Variants in USP6NL observed in about 807,000 individuals in gnomAD.
USP6NL encodes the protein USP6 N-terminal like, also known as USP6 N-terminal-like protein.
In USP6NL, 26 loss-of-function variants were observed where a neutral mutation model predicts 61.9. That is an observed-to-expected ratio of 0.42 (90% confidence interval 0.31 to 0.58). The LOEUF (loss-of-function observed/expected upper bound fraction) is 0.58. USP6NL is among the 20% of genes least tolerant of loss of function. The pLI is 0.16. For missense variants in USP6NL, 1,114 were observed against 1,034.3 expected (o/e 1.08, Z -1.06); for synonymous variants, 432 against 390.1 (o/e 1.11, Z -1.27).
At position 11,562,611 on chromosome 10, in the gene USP6NL, T is replaced by C. The variant is rs1461899273; in HGVS notation, c.4+35020A>G. ...AGGTTTTAAATTACTTGCAACTAAA[T>C]GTAATTCTAACACTGAACAGTCCTC... On this transcript the variant is annotated intron_variant, in intron 2 of 14. Coordinates refer to ENST00000609104, the MANE Select transcript of USP6NL (RefSeq NM_014688.5). This position sits in a 1 kb window ranked among gnomAD's most constrained non-coding sequence, Gnocchi z 4.8. The C allele has an allele frequency of 2.0e-6, 2 of 985,306 alleles. No individual in the cohort carries two copies. The highest frequency in any genetic ancestry group is 1.1e-4 in the East Asian group (1 of 8,836). The allele number at this position is 985,306 out of a possible 1,614,324, so 61.0% of individuals were successfully genotyped here.
chr10:11,543,737 G>A (rs1341501137), intron 2 of USP6NL, among the ~76,000 whole-genome samples: 1 of 150,606 alleles, frequency 6.6e-6, no homozygotes, highest in Non-Finnish European at 1.5e-5. Context: ...ATGAGAAAAA[G>A]GGAAAGGGGC....
intron 6 of USP6NL, among the ~76,000 whole-genome samples, chr10:11,505,246 A>T (rs1350933372): frequency 6.6e-6 from 1 of 152,232 alleles, no homozygotes; most frequent in East Asian, 1.9e-4. Context: ...GATGTGGATA[A>T]TGATGAGTCC....
In USP6NL at chr10:11,553,669, T is replaced by C. The variant is rs117316726; in HGVS notation, c.5-26102A>G. On this transcript the variant is annotated intron_variant, in intron 2 of 14. Coordinates refer to ENST00000609104, the MANE Select transcript of USP6NL (RefSeq NM_014688.5). This position sits in a 1 kb window ranked among gnomAD's most constrained non-coding sequence, Gnocchi z 4.8. Reference sequence around the variant, plus strand: ...CGGTACGTTGGAAGGCTGAGGTGGGTGGATTATCTGAGGTCAGGAGTTAAG... The same window carrying C: ...CGGTACGTTGGAAGGCTGAGGTGGGCGGATTATCTGAGGTCAGGAGTTAAG... 1.1e-3 allele frequency among the ~76,000 whole-genome samples: 170 copies of C among 152,120 alleles called. 7 individuals carry two copies. The East Asian group carries it at 0.026, about 23-fold the overall frequency.
In USP6NL at chr10:11,611,084, G is replaced by C. The variant is rs1351174656; in HGVS notation, c.-84+359C>G. Among the ~76,000 whole-genome samples the C allele has an allele frequency of 1.3e-5, 2 of 152,112 alleles. No homozygotes were observed. The highest frequency in any genetic ancestry group is 2.1e-4 in the South Asian group (1 of 4,824). ...GCCCGGGTCCTGCCCACTGGGGCTC[G>C]GGAGACGCGACCGAAACTTGCGAGG... On this transcript the variant is annotated intron_variant, in intron 1 of 14. Transcript: ENST00000609104. The surrounding 1 kb of genome is among the most constrained non-coding windows in gnomAD (Gnocchi z 5.3).
chr10:11,489,342 T>C lies in USP6NL; in HGVS notation c.544-120A>G. 2 of 1,310,354 alleles carry C rather than the reference T, an allele frequency of 1.5e-6. No homozygotes were observed. Among genetic ancestry groups the C allele is most frequent in the Non-Finnish European group, 2.1e-6 (2 of 965,118 alleles). 81.2% of individuals were successfully genotyped at this position (1,310,354 alleles called of 1,614,324 possible). A position where few individuals can be genotyped will look rare whatever the true frequency, so the allele number is the denominator to read the frequency against. ...CCTACACACATCATTTAATGGTCCA[T>C]TCTAGAGACAAATACTATACTCTTT... On this transcript the variant is annotated intron_variant, in intron 9 of 14. Transcript: ENST00000609104. The surrounding 1 kb of genome is among the most constrained non-coding windows in gnomAD (Gnocchi z 5.7).
intron 7 of USP6NL, among the ~76,000 whole-genome samples, chr10:11,494,033 C>T (rs759536523): frequency 3.9e-5 from 6 of 152,232 alleles, no homozygotes; most frequent in Non-Finnish European, 7.3e-5. Flanking sequence ...TCTGCAGGAA[C>T]ACACCCTTTA....
chr10:11,571,977 T>A (rs1837383002), intron 2 of USP6NL, among the ~76,000 whole-genome samples: 1 of 151,016 alleles, frequency 6.6e-6, no homozygotes, highest in South Asian at 2.1e-4. Context: ...GATATAAATA[T>A]CTTATTTAAT....
chr10:11,603,778 T>C (rs1470998820), intron 1 of USP6NL, among the ~76,000 whole-genome samples: 1 of 152,090 alleles, frequency 6.6e-6, no homozygotes, highest in Non-Finnish European at 1.5e-5. Flanking sequence ...ATATTCAGAA[T>C]AAAAGTGCTA....
chr10:11,557,519 A>C (rs1007581760), intron 2 of USP6NL, among the ~76,000 whole-genome samples: 6 of 152,234 alleles, frequency 3.9e-5, no homozygotes, highest in African/African-American at 1.4e-4. Context: ...TTAAATGCAA[A>C]TTTTAAATTG....
At chr10:11,530,321 A>G in intron 2 of USP6NL, among the ~76,000 whole-genome samples, 1 of 152,172 alleles carries the variant, frequency 6.6e-6, no homozygotes, top group South Asian at 2.1e-4. Flanking sequence ...ATAACAATGG[A>G]AAGTTTAAAA....
rs1001966956 is a variant in USP6NL at position 11,476,691 on chromosome 10, A to T, written c.1078+5079T>A. Among the ~76,000 whole-genome samples, 2 of 152,158 alleles carry T rather than the reference A, an allele frequency of 1.3e-5. No homozygotes were observed. Among genetic ancestry groups the T allele is most frequent in the African/African-American group, 2.4e-5 (1 of 41,428 alleles). On this transcript the variant is annotated intron_variant, in intron 14 of 14. Coordinates refer to ENST00000609104, the MANE Select transcript of USP6NL (RefSeq NM_014688.5). This position sits in a 1 kb window ranked among gnomAD's most constrained non-coding sequence, Gnocchi z 4.3. ...CCCCACAAAACTCCTCTTCACACAA[A>T]TCTAGTCAATGAAAACCAAAAATTT... is the stretch of plus-strand genomic sequence containing the variant.
intron 14 of USP6NL, among the ~76,000 whole-genome samples, chr10:11,473,265 G>A (rs147643407): frequency 1.7e-3 from 260 of 152,226 alleles, no homozygotes; most frequent in Non-Finnish European, 2.2e-3. Context: ...CCACAGCCCC[G>A]CAGTGTATTA....
intron 13 of USP6NL, among the ~76,000 whole-genome samples, chr10:11,483,495 G>A (rs1233644603): frequency 8.8e-6 from 1 of 113,692 alleles, no homozygotes; most frequent in African/African-American, 3.8e-5. Flanking sequence ...GGGGGGGAGG[G>A]GAGGGAGAGA....
Position 11,532,158 on chromosome 10 carries a change from CA to C in USP6NL, c.5-4592del. The C allele has an allele frequency of 6.6e-7, 1 of 1,524,944 alleles. No homozygotes were observed. The highest frequency in any genetic ancestry group is 8.9e-7 in the Non-Finnish European group (1 of 1,117,750). 94.5% of individuals were successfully genotyped at this position (1,524,944 alleles called of 1,614,324 possible). On this transcript the variant is annotated intron_variant, in intron 2 of 14. Transcript: ENST00000609104. The surrounding 1 kb of genome is among the most constrained non-coding windows in gnomAD (Gnocchi z 4.1). ...TGAACGTTAAAAATATAAACAACAT[CA>C]ATTTTAAAAGTACTTTACCCTTTGT...
chr10:11,563,075 T>G (rs1566183148), intron 2 of USP6NL: 1 of 152,104 alleles, frequency 6.6e-6, no homozygotes, highest in Non-Finnish European at 1.5e-5. Flanking sequence ...TTAAACCAAC[T>G]CTGGTACATC....
In USP6NL at chr10:11,548,063, G is replaced by A. The variant is rs1045411388; in HGVS notation, c.5-20496C>T. ...AGTGATCACTCAATTTCTCCTTAAG[G>A]CTTCCAGAAATGAAAATCTCACAAG... On this transcript the variant is annotated intron_variant, in intron 2 of 14. Coordinates refer to ENST00000609104, the MANE Select transcript of USP6NL (RefSeq NM_014688.5). The surrounding 1 kb of genome is among the most constrained non-coding windows in gnomAD (Gnocchi z 4.3). Among the ~76,000 whole-genome samples the A allele has an allele frequency of 2.6e-5, 4 of 152,054 alleles. No homozygotes were observed. Among genetic ancestry groups the A allele is most frequent in the Non-Finnish European group, 5.9e-5 (4 of 67,996 alleles).
At position 11,548,605 on chromosome 10, in the gene USP6NL, A is replaced by G. The variant is rs1239956141; in HGVS notation, c.5-21038T>C. Among the ~76,000 whole-genome samples the G allele has an allele frequency of 1.3e-5, 2 of 152,158 alleles. No homozygotes were observed. The highest frequency in any genetic ancestry group is 4.8e-5 in the African/African-American group (2 of 41,448). On this transcript the variant is annotated intron_variant, in intron 2 of 14. Transcript: ENST00000609104. This position sits in a 1 kb window ranked among gnomAD's most constrained non-coding sequence, Gnocchi z 4.3. ...CTTCATAAATCCAACAATTGTAACT[A>G]AATTTTCACCCTAGCCACTGAAAAA...
chr10:11,473,471 C>T (rs986842220), intron 14 of USP6NL, among the ~76,000 whole-genome samples: 1 of 152,154 alleles, frequency 6.6e-6, no homozygotes, highest in African/African-American at 2.4e-5. Context: ...TCAGGCGATG[C>T]TTAAACCAAG....
intron 2 of USP6NL, among the ~76,000 whole-genome samples, chr10:11,571,364 AC>A (rs905691401): frequency 4.6e-5 from 7 of 151,994 alleles, no homozygotes; most frequent in African/African-American, 1.7e-4. Flanking sequence ...GGGATTACAG[AC>A]ATAAGCCACC....
Sources: allele counts gnomAD v4.1 joint callset (sites outside exome capture counted in the v4.1 genomes callset), GRCh38; gene constraint gnomAD v4.1.1; non-coding constraint Gnocchi (gnomAD v3.1); transcripts MANE v1.5; gene names NCBI Gene and HGNC (gene_info 2026-07-23, HGNC 2026-07-21).